Variants in RIMBP2 observed in about 807,000 individuals in gnomAD.
The protein encoded by RIMBP2 is RIMS binding protein 2.
RIMBP2 carries 48 observed loss-of-function variants against 118.6 expected under a neutral mutation model. The observed-to-expected ratio is 0.40, with a 90% CI of 0.32 to 0.51. The LOEUF is 0.51. RIMBP2 is among the 20% of genes least tolerant of loss of function. The probability of loss-of-function intolerance (pLI) is 0.41; values close to 1 mark genes in which losing one functional copy is unlikely to be tolerated. For synonymous variants in RIMBP2, 762 were observed against 742.9 expected (o/e 1.03, Z -0.42); for missense variants, 1,551 against 1,768.3 (o/e 0.88, Z 2.20).
intron 3 of RIMBP2, 103 bp from the exon 4 acceptor site, chr12:130,506,873 A>T: frequency 1.2e-6 from 1 of 863,844 alleles, no homozygotes; most frequent in Non-Finnish European, 1.4e-6. Context: ...TTCCTCCTAG[A>T]GAATCCTTCC....
intron 2 of RIMBP2, among the ~76,000 whole-genome samples, chr12:130,537,418 C>A (rs61934581): frequency 6.6e-6 from 1 of 152,130 alleles, no homozygotes; most frequent in African/African-American, 2.4e-5. Context: ...CATCACCCTA[C>A]GGTACAAGGC....
At position 130,516,654 on chromosome 12, in the gene RIMBP2, G is replaced by A. The variant is rs529427000; in HGVS notation, c.-127+1174C>T. ...CCCAGCTGTTGAAGATGATGGAGTG[G>A]AGTGTTCTAAGCAGAGACAACCATC... is the stretch of plus-strand genomic sequence containing the variant. On this transcript the variant is annotated intron_variant, in intron 3 of 22. Transcript: ENST00000690449. Among the ~76,000 whole-genome samples, 33 of 152,354 alleles carry A rather than the reference G, an allele frequency of 2.2e-4. No individual in the cohort carries two copies. The South Asian group carries it at 6.4e-3, about 30-fold the overall frequency.
intron 2 of RIMBP2, among the ~76,000 whole-genome samples, chr12:130,524,421 A>G (rs2052534489): frequency 6.6e-6 from 1 of 152,078 alleles, no homozygotes; most frequent in Non-Finnish European, 1.5e-5. Flanking sequence ...GATACACCTC[A>G]TGAGTGACCA....
At chr12:130,573,413 CGT>C (rs1261854421) in intron 2 of RIMBP2, among the ~76,000 whole-genome samples, 7 of 151,114 alleles carry the variant, frequency 4.6e-5, no homozygotes, top group African/African-American at 1.2e-4. Context: ...CGACTGTGTG[CGT>C]GTGAGTGTGT....
In RIMBP2 at chr12:130,622,280, T is replaced by C. The variant is rs997977078; in HGVS notation, c.-217+6042A>G. On this transcript the variant is annotated intron_variant, in intron 2 of 22. Coordinates refer to ENST00000690449, the MANE Select transcript of RIMBP2 (RefSeq NM_001393629.1). The surrounding 1 kb of genome is among the most constrained non-coding windows in gnomAD (Gnocchi z 8.5). The stretch of plus-strand genomic sequence containing the variant: ...GCATAGGAGGTTCCGGGGAACAGAG[T>C]CCCCAAACATCACAAGTTTTGCCAT... 6.6e-6 allele frequency among the ~76,000 whole-genome samples: 1 copy of C among 152,048 alleles called. No individual in the cohort carries two copies. The highest frequency in any genetic ancestry group is 6.6e-5 in the Admixed American group (1 of 15,262).
chr12:130,444,892 C>A lies in RIMBP2; in HGVS notation c.691+268G>T, dbSNP rs77355316. On this transcript the variant is annotated intron_variant, in intron 10 of 22. Coordinates refer to ENST00000690449, the MANE Select transcript of RIMBP2 (RefSeq NM_001393629.1). The stretch of plus-strand genomic sequence containing the variant: ...AGTCCCATGTGTCTGCAAATAGCTG[C>A]CAAAAGCTCTGCAGAGGTTAGCGGA... Among the ~76,000 whole-genome samples the A allele has an allele frequency of 1.4e-3, 206 of 152,306 alleles. 2 individuals carry two copies. The East Asian group carries it at 0.033, about 25-fold the overall frequency.
At chr12:130,512,486 C>T (rs911820189) in intron 3 of RIMBP2, among the ~76,000 whole-genome samples, 18 of 152,304 alleles carry the variant, frequency 1.2e-4, no homozygotes, top group African/African-American at 4.3e-4. Flanking sequence ...CCATGCCCAG[C>T]CAATTTTTGT....
In RIMBP2 at chr12:130,450,424, G is replaced by A. The variant is rs1046081347; in HGVS notation, c.505-148C>T. ...GCACTCCCAGGAGGCACTGCCACCC[G>A]CACACCCACATGCGAGCTTGGAAAG... On this transcript the variant is annotated intron_variant, in intron 8 of 22. Coordinates refer to ENST00000690449, the MANE Select transcript of RIMBP2 (RefSeq NM_001393629.1). This position sits in a 1 kb window ranked among gnomAD's most constrained non-coding sequence, Gnocchi z 4.8. The A allele has an allele frequency of 1.0e-4, 67 of 654,780 alleles. No individual in the cohort carries two copies. The African/African-American group carries it at 1.0e-3, about 10-fold the overall frequency. The allele number at this position is 654,780 out of a possible 1,614,324, so 40.6% of individuals were successfully genotyped here.
chr12:130,553,475 T>C (rs1424377824), intron 2 of RIMBP2, among the ~76,000 whole-genome samples: 1 of 152,164 alleles, frequency 6.6e-6, no homozygotes, highest in Non-Finnish European at 1.5e-5. Flanking sequence ...AGAATTTGAA[T>C]GCTAGGTGTT....
chr12:130,616,413 C>T (rs916023768), intron 2 of RIMBP2, among the ~76,000 whole-genome samples: 1 of 152,152 alleles, frequency 6.6e-6, no homozygotes, highest in Non-Finnish European at 1.5e-5. Context: ...CAGAAGGGCT[C>T]CTGGCTCGGG....
chr12:130,562,053 A>G (rs897082891), intron 2 of RIMBP2, among the ~76,000 whole-genome samples: 1 of 152,232 alleles, frequency 6.6e-6, no homozygotes, highest in South Asian at 2.1e-4. Context: ...GAAATAAAGC[A>G]TAAAATCAGA....
intron 2 of RIMBP2, among the ~76,000 whole-genome samples, chr12:130,596,630 A>G (rs2059577103): frequency 6.6e-6 from 1 of 152,224 alleles, no homozygotes; most frequent in African/African-American, 2.4e-5. Flanking sequence ...CTTCTGCCGT[A>G]GTCACAGTGT....
At chr12:130,464,801 A>T (rs1191682241) in intron 6 of RIMBP2, among the ~76,000 whole-genome samples, 1 of 152,148 alleles carries the variant, frequency 6.6e-6, no homozygotes, top group Non-Finnish European at 1.5e-5. Flanking sequence ...ACTCACCCAC[A>T]CATTCCCCTA....
intron 2 of RIMBP2, among the ~76,000 whole-genome samples, chr12:130,544,213 C>T (rs1272939960): frequency 6.6e-6 from 1 of 152,204 alleles, no homozygotes; most frequent in African/African-American, 2.4e-5. Flanking sequence ...ACACCCCACC[C>T]TCTCAATGTC....
chr12:130,535,456 G>T (rs972765447), intron 2 of RIMBP2, among the ~76,000 whole-genome samples: 1 of 152,056 alleles, frequency 6.6e-6, no homozygotes. Flanking sequence ...CAAGGCTGCA[G>T]TGAGCCAAGA....
At chr12:130,433,907 G>A (rs1269395885) in intron 14 of RIMBP2, among the ~76,000 whole-genome samples, 7 of 152,198 alleles carry the variant, frequency 4.6e-5, no homozygotes, top group African/African-American at 1.2e-4. Flanking sequence ...TGTCTTAGCC[G>A]TGATTAGTTG....
intron 2 of RIMBP2, among the ~76,000 whole-genome samples, chr12:130,564,264 C>A (rs2057048736): frequency 6.6e-6 from 1 of 152,214 alleles, no homozygotes; most frequent in Non-Finnish European, 1.5e-5. Context: ...CCACCCTGAC[C>A]ACCTTTTACA....
chr12:130,659,500 C>T (rs1263769688), intron 1 of RIMBP2, among the ~76,000 whole-genome samples: 1 of 150,738 alleles, frequency 6.6e-6, no homozygotes, highest in Non-Finnish European at 1.5e-5. Context: ...ACCCGGGAGG[C>T]GTATGTTGCA....
intron 1 of RIMBP2, among the ~76,000 whole-genome samples, chr12:130,706,998 T>G (rs2066152752): frequency 6.6e-6 from 1 of 152,058 alleles, no homozygotes; most frequent in Non-Finnish European, 1.5e-5. Flanking sequence ...AAATTAACAA[T>G]GTGAAATCCT....
Sources: gnomAD v4.1 joint callset for allele counts (sites outside exome capture counted in the v4.1 genomes callset) on GRCh38, gnomAD v4.1.1 for gene constraint, Gnocchi (gnomAD v3.1) non-coding constraint, MANE v1.5 for transcripts, NCBI Gene and HGNC (gene_info 2026-07-23, HGNC 2026-07-21) for gene names.